Variants in GALNT13 observed in about 807,000 individuals in gnomAD.
The protein encoded by GALNT13 is UDP-GalNAc:polypeptide N-acetylgalactosaminyltransferase 13.
In GALNT13, 28 loss-of-function variants were observed where a neutral mutation model predicts 64.2. That is an observed-to-expected ratio of 0.44 (90% CI 0.32 to 0.60). The LOEUF is 0.60. GALNT13 is among the 20% of genes least tolerant of loss of function. GALNT13 has a pLI of 0.05. For synonymous variants in GALNT13, 214 were observed against 224.6 expected, an observed-to-expected ratio of 0.95 and a Z score of 0.42; for missense variants, 577 against 669.8, an observed-to-expected ratio of 0.86 and a Z score of 1.53.
chr2:153,189,231 C>G, the GALNT13 span, among the ~76,000 whole-genome samples: 8 of 152,094 alleles, frequency 5.3e-5, no homozygotes, highest in African/African-American at 1.9e-4. Flanking sequence ...CCCCAAAACC[C>G]ACACCTTTCC....
chr2:154,333,525 G>C (rs970780340), intron 9 of GALNT13, among the ~76,000 whole-genome samples: 1 of 151,996 alleles, frequency 6.6e-6, no homozygotes, highest in African/African-American at 2.4e-5. Context: ...TTCGCCATTT[G>C]TTGAACAAAA....
the GALNT13 span, among the ~76,000 whole-genome samples, chr2:153,349,387 C>T: frequency 6.6e-6 from 1 of 152,124 alleles, no homozygotes; most frequent in Non-Finnish European, 1.5e-5. Flanking sequence ...CCTACAGTGC[C>T]TGGTGTTATT....
At chr2:153,790,451 T>A in the GALNT13 span, among the ~76,000 whole-genome samples, 1 of 152,102 alleles carries the variant, frequency 6.6e-6, no homozygotes, top group Non-Finnish European at 1.5e-5. Flanking sequence ...GGAACATACC[T>A]CAAAATAATA....
At chr2:154,201,409 T>G (rs1279717975) in intron 4 of GALNT13, among the ~76,000 whole-genome samples, 3 of 152,160 alleles carry the variant, frequency 2.0e-5, no homozygotes, top group Non-Finnish European at 4.4e-5. Context: ...ATCTCTTACC[T>G]GTTTTGTGAA....
At chr2:153,216,663 A>G in the GALNT13 span, among the ~76,000 whole-genome samples, 20,536 of 151,824 alleles carry the variant, frequency 0.14, 1,566 homozygotes, top group Middle Eastern at 0.19. Context: ...TTGTTTTCCT[A>G]TTGTGTTTGA....
chr2:153,992,688 C>A (rs1053512608), intron 3 of GALNT13, among the ~76,000 whole-genome samples: 3 of 151,876 alleles, frequency 2.0e-5, no homozygotes, highest in Admixed American at 6.6e-5. Flanking sequence ...ATTGCATTTG[C>A]AATATATTGT....
At chr2:153,095,632 C>A in the GALNT13 span, among the ~76,000 whole-genome samples, 2 of 152,126 alleles carry the variant, frequency 1.3e-5, no homozygotes, top group South Asian at 2.1e-4. Context: ...GACTTGGAAC[C>A]AACCCAAATG....
At chr2:153,656,341 C>T in the GALNT13 span, among the ~76,000 whole-genome samples, 162 of 62,446 alleles carry the variant, frequency 2.6e-3, 1 homozygote, top group Admixed American at 0.02. Flanking sequence ...TGTGTGTGTG[C>T]GCGCGCACAT....
the GALNT13 span, among the ~76,000 whole-genome samples, chr2:153,339,138 C>T: frequency 1.3e-5 from 2 of 152,222 alleles, no homozygotes; most frequent in South Asian, 4.1e-4. Context: ...GATATATATC[C>T]AGTAATGGGA....
chr2:154,128,102 T>A (rs1260078926), intron 3 of GALNT13, among the ~76,000 whole-genome samples: 1 of 152,068 alleles, frequency 6.6e-6, no homozygotes, highest in South Asian at 2.1e-4. Context: ...CAGGGTATGT[T>A]TGACAATGTT....
intron 2 of GALNT13, among the ~76,000 whole-genome samples, chr2:153,923,601 T>TA (rs1689904723): frequency 6.6e-6 from 1 of 152,108 alleles, no homozygotes; most frequent in Non-Finnish European, 1.5e-5. Context: ...GCAGGTTTGT[T>TA]ACATATGTAT....
At chr2:153,123,481 A>G in the GALNT13 span, among the ~76,000 whole-genome samples, 1 of 152,228 alleles carries the variant, frequency 6.6e-6, no homozygotes, top group Admixed American at 6.5e-5. Context: ...GTGTTAGAAC[A>G]TCAATGAAAT....
At chr2:153,486,735 A>G in the GALNT13 span, among the ~76,000 whole-genome samples, 1 of 152,144 alleles carries the variant, frequency 6.6e-6, no homozygotes, top group Non-Finnish European at 1.5e-5. Flanking sequence ...ATAGACCTAT[A>G]GCATCCTATT....
the GALNT13 span, among the ~76,000 whole-genome samples, chr2:153,586,986 A>G: frequency 6.6e-6 from 1 of 152,088 alleles, no homozygotes; most frequent in Non-Finnish European, 1.5e-5. Flanking sequence ...AATATTAACA[A>G]TTTGGGAGTC....
the GALNT13 span, among the ~76,000 whole-genome samples, chr2:153,313,901 C>CT: frequency 6.6e-6 from 1 of 151,816 alleles, no homozygotes; most frequent in African/African-American, 2.4e-5. Flanking sequence ...TTTATTTTTC[C>CT]TTTTTTAAAA....
rs1039463882 is a variant in GALNT13 at position 153,977,898 on chromosome 2, T to C, written c.142+33259T>C. Reference sequence around the variant, plus strand: ...ATCCACTACCTATTGAAGTCTTCCTTGAATATTCTAGAGAAATACGATCTT... The same window carrying C: ...ATCCACTACCTATTGAAGTCTTCCTCGAATATTCTAGAGAAATACGATCTT... On this transcript the variant is annotated intron_variant, in intron 3 of 12. Transcript: ENST00000392825. Among the ~76,000 whole-genome samples, 4 of 152,150 alleles carry C rather than the reference T, an allele frequency of 2.6e-5. No homozygotes were observed. The East Asian group carries it at 7.7e-4, about 29-fold the overall frequency.
intron 3 of GALNT13, among the ~76,000 whole-genome samples, chr2:153,999,350 T>G (rs7596984): frequency 0.033 from 5,020 of 151,900 alleles, 122 homozygotes; most frequent in South Asian, 0.089. Flanking sequence ...CCCAATAGTA[T>G]GTTAACCAAA....
chr2:153,233,686 T>C, the GALNT13 span, among the ~76,000 whole-genome samples: 2 of 152,150 alleles, frequency 1.3e-5, no homozygotes, highest in African/African-American at 4.8e-5. Flanking sequence ...TATATTTACA[T>C]TAAATGAAGG....
chr2:153,652,112 A>G, the GALNT13 span, among the ~76,000 whole-genome samples: 276 of 152,300 alleles, frequency 1.8e-3, no homozygotes, highest in African/African-American at 6.4e-3. Context: ...TCTAAGCTAC[A>G]TATAAATAAA....
Sources: gnomAD v4.1 joint callset for allele counts (sites outside exome capture counted in the v4.1 genomes callset) on GRCh38, gnomAD v4.1.1 for gene constraint, MANE v1.5 for transcripts, NCBI Gene and HGNC (gene_info 2026-07-23, HGNC 2026-07-21) for gene names.